ADRA1A: variants seen among roughly 807,000 people sequenced by gnomAD.
The protein encoded by ADRA1A is adrenoceptor alpha 1A.
ADRA1A carries 31 observed loss-of-function variants against 29.6 expected under a neutral mutation model. That is an observed-to-expected ratio of 1.05 (90% CI 0.79 to 1.41). The LOEUF (loss-of-function observed/expected upper bound fraction) is 1.41. Ranked by LOEUF, ADRA1A falls within the 40% of genes most tolerant of loss-of-function variation. The pLI, the probability that ADRA1A is intolerant of heterozygous loss-of-function variation, is 0.00. For missense variants in ADRA1A, 619 were observed against 601.1 expected, an observed-to-expected ratio of 1.03 and a Z score of -0.31; for synonymous variants, 311 against 254.3, an observed-to-expected ratio of 1.22 and a Z score of -2.12.
intron 2 of ADRA1A, among the ~76,000 whole-genome samples, chr8:26,816,666 C>T (rs1435750159): frequency 2.0e-5 from 3 of 152,222 alleles, no homozygotes; most frequent in Non-Finnish European, 4.4e-5. Flanking sequence ...GTCACACAAA[C>T]ACTCGAGTGG....
intron 2 of ADRA1A, among the ~76,000 whole-genome samples, chr8:26,808,935 A>C (rs1809188515): frequency 6.6e-6 from 1 of 152,202 alleles, no homozygotes; most frequent in Non-Finnish European, 1.5e-5. Context: ...TTTTTCTGCC[A>C]TTAGAGGTAT....
chr8:26,862,179 A>C (rs1403961746), intron 2 of ADRA1A, among the ~76,000 whole-genome samples: 1 of 152,234 alleles, frequency 6.6e-6, no homozygotes, highest in South Asian at 2.1e-4. Flanking sequence ...GGCCTCTGTG[A>C]TCTTCATTGA....
intron 2 of ADRA1A, among the ~76,000 whole-genome samples, chr8:26,782,828 T>C (rs543807153): frequency 3.9e-5 from 6 of 152,226 alleles, no homozygotes; most frequent in Non-Finnish European, 7.4e-5. Context: ...ATCATCAAAC[T>C]GAATTCACCA....
chr8:26,795,904 T>G (rs1808159423), intron 2 of ADRA1A, among the ~76,000 whole-genome samples: 1 of 152,122 alleles, frequency 6.6e-6, no homozygotes, highest in South Asian at 2.1e-4. Context: ...GTACAGGAAA[T>G]AAACTTAGAC....
At chr8:26,761,451 A>T (rs1805497670), downstream of ADRA1A, among the ~76,000 whole-genome samples, 1 of 152,210 alleles carries the variant, frequency 6.6e-6, no homozygotes, top group African/African-American at 2.4e-5. Flanking sequence ...CTTTTAAGGC[A>T]TGGTGTGGTT....
At chr8:26,799,672 A>G (rs1233729490) in intron 2 of ADRA1A, among the ~76,000 whole-genome samples, 4 of 152,164 alleles carry the variant, frequency 2.6e-5, no homozygotes, top group Non-Finnish European at 4.4e-5. Context: ...CAAGCTCTCT[A>G]CTGTAGCTTG....
At position 26,770,197 on chromosome 8, in the gene ADRA1A, G is replaced by T. The variant is rs773895990; in HGVS notation, c.1353C>A (p.Thr451=). 15 of 1,594,834 alleles carry T rather than the reference G, an allele frequency of 9.4e-6. No homozygotes were observed. Among genetic ancestry groups the T allele is most frequent in the African/African-American group, 1.3e-5 (1 of 74,538 alleles). Residue 451 remains threonine (T), a synonymous_variant, in exon 3 of 3, where the codon ACC becomes ACA. Coordinates refer to ENST00000380573, the MANE Select transcript of ADRA1A (RefSeq NM_000680.4). ...PSLDKNHQVP[T]IKVHTISLSE... ...TGAGGGAGATGGTGTGGACCTTAAT[G>T]GTTGGAACTTGATGGTTCTTGTCAA... is the stretch of plus-strand genomic sequence containing the variant.
At chr8:26,852,127 A>C (rs1050561626) in intron 2 of ADRA1A, among the ~76,000 whole-genome samples, 1 of 152,178 alleles carries the variant, frequency 6.6e-6, no homozygotes, top group Non-Finnish European at 1.5e-5. Flanking sequence ...AAACAACAAC[A>C]ACAACAACAC....
intron 2 of ADRA1A, among the ~76,000 whole-genome samples, chr8:26,751,214 TTTTACTTGTTTAG>T (rs1302550353): frequency 6.6e-6 from 1 of 152,228 alleles, no homozygotes; most frequent in Non-Finnish European, 1.5e-5. Flanking sequence ...ACTGCAGTGC[TTTTACTTGTTTAG>T]TTTACCATGT....
chr8:26,750,293 CTGGGT>C (rs1441960894), intron 2 of ADRA1A, among the ~76,000 whole-genome samples: 17 of 152,118 alleles, frequency 1.1e-4, no homozygotes, highest in Admixed American at 1.1e-3. Context: ...CCTCTGCTTC[CTGGGT>C]TCAAGCCATT....
chr8:26,851,421 C>T (rs1438066764), intron 2 of ADRA1A, among the ~76,000 whole-genome samples: 2 of 152,026 alleles, frequency 1.3e-5, no homozygotes, highest in Non-Finnish European at 1.5e-5. Context: ...ATAGTGAAAA[C>T]GAAGGAAGCA....
In ADRA1A at chr8:26,825,520, C is replaced by A. The variant is rs1344481814; in HGVS notation, c.883+38567G>T. 6.6e-6 allele frequency among the ~76,000 whole-genome samples: 1 copy of A among 152,156 alleles called. No homozygotes were observed. Among genetic ancestry groups the A allele is most frequent in the Non-Finnish European group, 1.5e-5 (1 of 68,024 alleles). ...TTCTCATCCCCTAAAGGCCATATTA[C>A]CCCAACTTCTAGTTGTCAGCTATCC... On this transcript the variant is annotated intron_variant, in intron 2 of 2. Transcript: ENST00000380573. The surrounding 1 kb of genome is among the most constrained non-coding windows in gnomAD (Gnocchi z 5.7).
Position 26,769,358 on chromosome 8 carries a change from T to C in ADRA1A, c.*791A>G. 1 of 985,446 alleles carries C rather than the reference T, an allele frequency of 1.0e-6. No individual in the cohort carries two copies. Among genetic ancestry groups the C allele is most frequent in the African/African-American group, 1.7e-5 (1 of 57,372 alleles). 61.0% of individuals were successfully genotyped at this position (985,446 alleles called of 1,614,324 possible). On this transcript the variant is annotated 3_prime_UTR_variant, in exon 3 of 3. Transcript: ENST00000380573. ...ATCATCATCTGATCTTGGAACTGTT[T>C]AATGGATTTTCTCTCTAGTAGTTAA...
intron 2 of ADRA1A, among the ~76,000 whole-genome samples, chr8:26,843,244 T>C (rs1462693060): frequency 6.6e-6 from 1 of 152,196 alleles, no homozygotes; most frequent in African/African-American, 2.4e-5. Context: ...CAGCAGATGC[T>C]CAGTGCTTTG....
intron 2 of ADRA1A, among the ~76,000 whole-genome samples, chr8:26,840,318 G>A (rs984135963): frequency 1.3e-5 from 2 of 152,166 alleles, no homozygotes; most frequent in African/African-American, 4.8e-5. Context: ...CGGTTGGGTA[G>A]GAGAAGGTGT....
chr8:26,839,820 G>T (rs1811686151), intron 2 of ADRA1A, among the ~76,000 whole-genome samples: 1 of 152,098 alleles, frequency 6.6e-6, no homozygotes, highest in Non-Finnish European at 1.5e-5. Context: ...GTGTGGGGAG[G>T]AAAGGCACAA....
chr8:26,770,871 C>T (rs1034914764), intron 2 of ADRA1A, among the ~76,000 whole-genome samples: 2 of 152,114 alleles, frequency 1.3e-5, no homozygotes, highest in East Asian at 1.9e-4. Context: ...ACTTGGTCCG[C>T]GTGTGTCATT....
intron 2 of ADRA1A, among the ~76,000 whole-genome samples, chr8:26,843,940 ATTAT>A: frequency 6.6e-6 from 1 of 152,346 alleles, no homozygotes; most frequent in Admixed American, 6.5e-5. Flanking sequence ...GCAAGTTATG[ATTAT>A]TTGTTTCCCT....
rs1813842689 is a variant in ADRA1A, at chr8:26,865,490, CG to C, written c.-522del. ...AGGGACCGATGGTTGGGTAGCGCAG[CG>C]CTACAGGTTGGGCGCTGCTCCTGGC... On this transcript the variant is annotated 5_prime_UTR_variant, in exon 2 of 3. Transcript: ENST00000380573. The surrounding 1 kb of genome is among the most constrained non-coding windows in gnomAD (Gnocchi z 7.6). 4 of 994,654 alleles carry C rather than the reference CG, an allele frequency of 4.0e-6. No homozygotes were observed. The highest frequency in any genetic ancestry group is 9.0e-5 in the South Asian group (2 of 22,266). 61.6% of individuals were successfully genotyped at this position (994,654 alleles called of 1,614,324 possible). A position where few individuals can be genotyped will look rare whatever the true frequency, so the allele number is the denominator to read the frequency against.
Sources: gnomAD v4.1 joint callset for allele counts (sites outside exome capture counted in the v4.1 genomes callset) on GRCh38, gnomAD v4.1.1 for gene constraint, Gnocchi (gnomAD v3.1) non-coding constraint, MANE v1.5 for transcripts, NCBI Gene and HGNC (gene_info 2026-07-23, HGNC 2026-07-21) for gene names.